CYREN: variants seen among roughly 807,000 people sequenced by gnomAD.
The protein encoded by CYREN is cell cycle regulator of NHEJ, also known as cell cycle regulator of non-homologous end joining.
In CYREN, 7 loss-of-function variants were observed where a neutral mutation model predicts 9.7. The ratio of observed to expected loss-of-function variants is 0.72; its 90% CI spans 0.41 to 1.36. The LOEUF (loss-of-function observed/expected upper bound fraction) is 1.36, where lower values mean the gene tolerates loss of function less well. Ranked by LOEUF, CYREN falls within the 40% of genes most tolerant of loss-of-function variation. The probability of loss-of-function intolerance (pLI) is 0.01; values close to 1 mark genes in which losing one functional copy is unlikely to be tolerated. For missense variants in CYREN, 215 were observed against 198.1 expected (o/e 1.09, Z -0.51); for synonymous variants, 76 against 77.9 (o/e 0.98, Z 0.13).
intron 2 of CYREN, among the ~76,000 whole-genome samples, chr7:135,150,281 T>A (rs1286879648): frequency 6.6e-6 from 1 of 152,252 alleles, no homozygotes; most frequent in East Asian, 1.9e-4. Flanking sequence ...AGGCTTTCCC[T>A]GACCCTATAA....
intron 2 of CYREN, among the ~76,000 whole-genome samples, chr7:135,118,077 C>T (rs960449663): frequency 8.5e-5 from 13 of 152,178 alleles, no homozygotes; most frequent in Admixed American, 3.3e-4. Context: ...TAGTCCTTTC[C>T]TGAAGCCTGG....
intron 2 of CYREN, among the ~76,000 whole-genome samples, chr7:135,096,175 C>G (rs1334690984): frequency 6.6e-6 from 1 of 151,842 alleles, no homozygotes; most frequent in East Asian, 1.9e-4. Context: ...TAATCTTTGA[C>G]TTTACCTGTG....
At chr7:135,168,568 A>C in intron 2 of CYREN, 1 of 613,954 alleles carries the variant, frequency 1.6e-6, no homozygotes, top group East Asian at 3.0e-5. Context: ...CAGGGCACTC[A>C]CCAGTGCAGA....
chr7:135,096,789 AAG>A (rs1387222478), intron 2 of CYREN, among the ~76,000 whole-genome samples: 1 of 150,142 alleles, frequency 6.7e-6, no homozygotes, highest in Non-Finnish European at 1.5e-5. Context: ...GAAAGAAAGA[AAG>A]AAAAAGGGAA....
intron 2 of CYREN, among the ~76,000 whole-genome samples, chr7:135,130,960 A>T (rs978369469): frequency 2.6e-5 from 4 of 152,218 alleles, no homozygotes; most frequent in African/African-American, 9.6e-5. Flanking sequence ...ATTGAACTGC[A>T]GCTTGAGAAC....
At chr7:135,124,738 A>C (rs1827619051) in intron 2 of CYREN, among the ~76,000 whole-genome samples, 1 of 152,220 alleles carries the variant, frequency 6.6e-6, no homozygotes, top group African/African-American at 2.4e-5. Flanking sequence ...CTCAGGATTA[A>C]AAAACTCACT....
intron 2 of CYREN, among the ~76,000 whole-genome samples, chr7:135,155,933 C>A (rs886664034): frequency 6.6e-6 from 1 of 152,198 alleles, no homozygotes; most frequent in Non-Finnish European, 1.5e-5. Flanking sequence ...CTAGTGGTGA[C>A]AAATTCCCTC....
exon 3 of CYREN, chr7:135,093,121 T>C (rs1822105326): frequency 6.6e-6 from 1 of 151,244 alleles, no homozygotes; most frequent in African/African-American, 2.4e-5. Context: ...CCCTGAGACC[T>C]GGAACAAGAC....
At chr7:135,162,525 C>T (rs1829970133), downstream of CYREN, among the ~76,000 whole-genome samples, 1 of 152,230 alleles carries the variant, frequency 6.6e-6, no homozygotes, top group Non-Finnish European at 1.5e-5. Flanking sequence ...GCCTCACAAT[C>T]ATGGTGAAAG....
At chr7:135,162,642 A>G (rs1200408666), downstream of CYREN, among the ~76,000 whole-genome samples, 2 of 152,218 alleles carry the variant, frequency 1.3e-5, no homozygotes, top group African/African-American at 4.8e-5. Context: ...CACTACCATG[A>G]GTACAGTATG....
intron 3 of CYREN, 126 bp downstream of exon 3, chr7:135,167,606 G>T: frequency 6.7e-7 from 1 of 1,496,650 alleles, no homozygotes. Context: ...AAGAGCAAGG[G>T]AAGTGGCAGG....
chr7:135,165,151 G>T, downstream of CYREN: 1 of 787,306 alleles, frequency 1.3e-6, no homozygotes, highest in Non-Finnish European at 2.0e-6. Flanking sequence ...AGAGGCCGAG[G>T]GGCAGCAAGG....
chr7:135,160,900 A>T (rs1829918611), downstream of CYREN, among the ~76,000 whole-genome samples: 1 of 152,184 alleles, frequency 6.6e-6, no homozygotes. Context: ...CATGGATCAG[A>T]TTTAGAGAAG....
At chr7:135,132,118 T>G (rs935935643) in intron 2 of CYREN, among the ~76,000 whole-genome samples, 2 of 152,208 alleles carry the variant, frequency 1.3e-5, no homozygotes, top group African/African-American at 4.8e-5. Context: ...ATACCAATTC[T>G]ATACAATTTC....
chr7:135,103,440 T>C (rs762028744), intron 2 of CYREN, among the ~76,000 whole-genome samples: 3 of 152,218 alleles, frequency 2.0e-5, no homozygotes, highest in Non-Finnish European at 2.9e-5. Flanking sequence ...AGTTAGAGTA[T>C]AGAATATTTC....
intron 2 of CYREN, chr7:135,152,707 C>T (rs1193616330): frequency 6.6e-6 from 1 of 152,208 alleles, no homozygotes; most frequent in African/African-American, 2.4e-5. Flanking sequence ...AAGTTCTTCC[C>T]TCCCTGGTCC....
chr7:135,170,430 G>A (rs1216213561), intron 1 of CYREN: 1 of 152,314 alleles, frequency 6.6e-6, no homozygotes, highest in Non-Finnish European at 1.5e-5. Flanking sequence ...GGTGAGTGCG[G>A]AGCGGAAGGC....
At chr7:135,167,030 C>T (rs529766922) in intron 3 of CYREN, 159 bp from the exon 4 acceptor site, 1 of 985,390 alleles carries the variant, frequency 1.0e-6, no homozygotes, top group Admixed American at 6.1e-5. Context: ...TCTCTTCACC[C>T]CACTCCTTCC....
downstream of CYREN, chr7:135,164,432 G>T (rs748072786): frequency 6.3e-7 from 1 of 1,595,198 alleles, no homozygotes; most frequent in Non-Finnish European, 8.6e-7. Context: ...CCCGGCAGAG[G>T]GCAGTAGAGA....
Sources: gnomAD v4.1 joint callset for allele counts (sites outside exome capture counted in the v4.1 genomes callset) on GRCh38, gnomAD v4.1.1 for gene constraint, MANE v1.5 for transcripts, NCBI Gene and HGNC (gene_info 2026-07-23, HGNC 2026-07-21) for gene names.